The following MED27 variants were observed in gnomAD, a reference collection of about 807,000 sequenced individuals.
MED27 encodes the protein mediator of RNA polymerase II transcription subunit 27.
Under a neutral mutation model 38.2 loss-of-function variants are expected in MED27, and 30 were observed. That is an observed-to-expected ratio of 0.79 (90% CI 0.59 to 1.07). The LOEUF (loss-of-function observed/expected upper bound fraction) is 1.07, where lower values mean the gene tolerates loss of function less well. MED27 is among the 50% of genes least tolerant of loss of function. The pLI is 0.00. For synonymous variants in MED27, 122 were observed against 153.5 expected (o/e 0.79, Z 1.52); for missense variants, 289 against 397.5 (o/e 0.73, Z 2.32).
intron 3 of MED27, among the ~76,000 whole-genome samples, chr9:131,966,615 T>C (rs1034901463): frequency 6.6e-6 from 1 of 152,104 alleles, no homozygotes; most frequent in African/African-American, 2.4e-5. Context: ...TCACTTTTAA[T>C]GAAATGGTTG....
At chr9:131,983,460 A>C (rs1831783421) in intron 3 of MED27, among the ~76,000 whole-genome samples, 1 of 152,240 alleles carries the variant, frequency 6.6e-6, no homozygotes, top group Non-Finnish European at 1.5e-5. Context: ...TTTCAGCAGT[A>C]GCCCCTATTT....
At chr9:132,066,485 A>C (rs1833812229) in intron 2 of MED27, among the ~76,000 whole-genome samples, 1 of 152,218 alleles carries the variant, frequency 6.6e-6, no homozygotes, top group Non-Finnish European at 1.5e-5. Flanking sequence ...CTTGCCAGCA[A>C]GTACTAGATG....
chr9:131,993,563 C>T (rs1832024960), intron 3 of MED27, among the ~76,000 whole-genome samples: 2 of 152,176 alleles, frequency 1.3e-5, no homozygotes, highest in Admixed American at 6.5e-5. Context: ...CTTCAGGATG[C>T]CCCCGTTCCG....
chr9:132,070,468 G>A (rs544712670), intron 2 of MED27, among the ~76,000 whole-genome samples: 1 of 152,242 alleles, frequency 6.6e-6, no homozygotes, highest in Admixed American at 6.5e-5. Context: ...GATGCAGGAA[G>A]ACCTCTTGAG....
rs886564970 is a variant in MED27, at chr9:131,982,368, C to T, written c.479+31969G>A. Among the ~76,000 whole-genome samples, 1 of 152,188 alleles carries T rather than the reference C, an allele frequency of 6.6e-6. No individual in the cohort carries two copies. The highest frequency in any genetic ancestry group is 2.4e-5 in the African/African-American group (1 of 41,442). On this transcript the variant is annotated intron_variant, in intron 3 of 7. Transcript: ENST00000292035. This position sits in a 1 kb window ranked among gnomAD's most constrained non-coding sequence, Gnocchi z 4.3. ...ACAGGGAAAGAGAATCAGCTCCCAA[C>T]CAACCACACAACTGAATACAACTCC...
At chr9:131,873,545 G>A (rs1838872334) in intron 6 of MED27, among the ~76,000 whole-genome samples, 1 of 152,190 alleles carries the variant, frequency 6.6e-6, no homozygotes, top group African/African-American at 2.4e-5. Flanking sequence ...GCCTGGAGAG[G>A]AAACATCGAA....
At chr9:132,031,893 T>C (rs1381946633) in intron 2 of MED27, 2 of 152,250 alleles carry the variant, frequency 1.3e-5, no homozygotes, top group Middle Eastern at 3.2e-3. Flanking sequence ...TAGTTTACTA[T>C]AGTAACACTT....
At chr9:131,874,763 A>G (rs1484404303) in intron 6 of MED27, among the ~76,000 whole-genome samples, 4 of 152,218 alleles carry the variant, frequency 2.6e-5, no homozygotes, top group South Asian at 4.1e-4. Context: ...ATGAAAAGAA[A>G]AAAGTTCAGT....
chr9:131,950,307 G>A (rs1212560468), intron 3 of MED27, among the ~76,000 whole-genome samples: 1 of 152,188 alleles, frequency 6.6e-6, no homozygotes, highest in African/African-American at 2.4e-5. Context: ...TTCACATGGA[G>A]TTAAAGCAAA....
intron 4 of MED27, among the ~76,000 whole-genome samples, chr9:131,932,163 A>G (rs1387817644): frequency 6.6e-6 from 1 of 152,150 alleles, no homozygotes; most frequent in African/African-American, 2.4e-5. Context: ...AAACTATAAG[A>G]ATATCAAGCA....
At chr9:131,921,741 C>T (rs993514043) in intron 4 of MED27, among the ~76,000 whole-genome samples, 5 of 152,160 alleles carry the variant, frequency 3.3e-5, no homozygotes, top group Non-Finnish European at 7.3e-5. Context: ...TTTACTGCGG[C>T]ACTATTCACA....
intron 2 of MED27, among the ~76,000 whole-genome samples, chr9:132,042,253 A>C (rs1367446198): frequency 6.6e-6 from 1 of 152,156 alleles, no homozygotes; most frequent in Non-Finnish European, 1.5e-5. Context: ...ACAGTTATTA[A>C]CCCATGCTGT....
chr9:131,864,787 T>TG (rs377041996), intron 6 of MED27, among the ~76,000 whole-genome samples: 315 of 152,370 alleles, frequency 2.1e-3, no homozygotes, highest in African/African-American at 5.6e-3. Context: ...TGGCCTCTTA[T>TG]GGGGGCCTCT....
At chr9:131,935,402 G>A (rs1693614771) in intron 4 of MED27, among the ~76,000 whole-genome samples, 1 of 152,102 alleles carries the variant, frequency 6.6e-6, no homozygotes, top group African/African-American at 2.4e-5. Flanking sequence ...AAGTATCCTG[G>A]TATATGCAAG....
chr9:132,007,492 G>A (rs1206211202), intron 3 of MED27, among the ~76,000 whole-genome samples: 4 of 152,192 alleles, frequency 2.6e-5, no homozygotes, highest in Non-Finnish European at 5.9e-5. Flanking sequence ...AGTTCCAGAA[G>A]AGGCAAAGCT....
At chr9:131,950,727 G>A (rs1200303510) in intron 3 of MED27, among the ~76,000 whole-genome samples, 1 of 152,178 alleles carries the variant, frequency 6.6e-6, no homozygotes, top group Non-Finnish European at 1.5e-5. Flanking sequence ...ATGACAGTAA[G>A]TTTGATAGTC....
intron 5 of MED27, among the ~76,000 whole-genome samples, chr9:131,888,232 T>C (rs1169976453): frequency 6.6e-6 from 1 of 152,230 alleles, no homozygotes; most frequent in Non-Finnish European, 1.5e-5. Context: ...TAAAATCCTT[T>C]TGGCAATAAC....
intron 2 of MED27, among the ~76,000 whole-genome samples, chr9:132,072,456 C>T (rs973643580): frequency 1.3e-5 from 2 of 152,130 alleles, no homozygotes; most frequent in African/African-American, 4.8e-5. Flanking sequence ...CCTTCCTTGA[C>T]TTCTGAATCC....
intron 4 of MED27, among the ~76,000 whole-genome samples, chr9:131,903,120 T>C (rs930216458): frequency 3.9e-5 from 6 of 152,156 alleles, no homozygotes; most frequent in African/African-American, 1.2e-4. Flanking sequence ...GATAAAGACA[T>C]AACCGACATT....
Sources: gnomAD v4.1 joint callset for allele counts (sites outside exome capture counted in the v4.1 genomes callset) on GRCh38, gnomAD v4.1.1 for gene constraint, Gnocchi (gnomAD v3.1) non-coding constraint, MANE v1.5 for transcripts, NCBI Gene and HGNC (gene_info 2026-07-23, HGNC 2026-07-21) for gene names.